Variants in ASIC5 observed in about 807,000 individuals in gnomAD.
The protein encoded by ASIC5 is bile acid-sensitive ion channel.
ASIC5 carries 52 observed loss-of-function variants against 51.2 expected under a neutral mutation model. The ratio of observed to expected loss-of-function variants is 1.02; its 90% CI spans 0.81 to 1.28. ASIC5 has a LOEUF of 1.28. ASIC5 is among the 50% of genes most tolerant of loss of function. ASIC5 has a pLI of 0.00. For missense variants in ASIC5, 635 were observed against 595.0 expected (o/e 1.07, Z -0.70); for synonymous variants, 231 against 200.7 (o/e 1.15, Z -1.28).
chr4:155,863,319 A>T, intron 2 of ASIC5, 129 bp downstream of exon 2: 1 of 702,188 alleles, frequency 1.4e-6, no homozygotes, highest in Non-Finnish European at 2.3e-6. Flanking sequence ...AGTGCAATTT[A>T]AGTGCAATTT....
intron 4 of ASIC5, among the ~76,000 whole-genome samples, chr4:155,845,068 A>G (rs1318921282): frequency 6.6e-6 from 1 of 152,034 alleles, no homozygotes; most frequent in African/African-American, 2.4e-5. Context: ...AAGGCCTCTG[A>G]AGTGGAAAGA....
At chr4:155,839,376 C>T (rs1222351315) in intron 6 of ASIC5, among the ~76,000 whole-genome samples, 3 of 151,578 alleles carry the variant, frequency 2.0e-5, no homozygotes, top group African/African-American at 4.8e-5. Context: ...CACACACACA[C>T]ACACACACGT....
intron 5 of ASIC5, among the ~76,000 whole-genome samples, chr4:155,842,703 AG>A (rs1432901956): frequency 1.3e-5 from 2 of 152,168 alleles, no homozygotes; most frequent in Non-Finnish European, 2.9e-5. Context: ...CATTTTAAAA[AG>A]ATCCTTTAAT....
chr4:155,829,838 T>C lies in ASIC5; in HGVS notation c.*18A>G. On this transcript the variant is annotated 3_prime_UTR_variant, in exon 10 of 10. Transcript: ENST00000537611. Reference sequence around the variant, plus strand: ...TGAAGGTATCATGAAAAGGAAACTATTTTATTCTAAGTGACCATTAACACT... The same window carrying C: ...TGAAGGTATCATGAAAAGGAAACTACTTTATTCTAAGTGACCATTAACACT... 1 of 1,466,606 alleles carries C rather than the reference T, an allele frequency of 6.8e-7. No homozygotes were observed. Among genetic ancestry groups the C allele is most frequent in the African/African-American group, 1.5e-5 (1 of 68,836 alleles). 90.8% of individuals were successfully genotyped at this position (1,466,606 alleles called of 1,614,324 possible). A position where few individuals can be genotyped will look rare whatever the true frequency, so the allele number is the denominator to read the frequency against.
chr4:155,838,309 A>G (rs998630888), intron 7 of ASIC5, among the ~76,000 whole-genome samples: 36 of 134,174 alleles, frequency 2.7e-4, no homozygotes, highest in African/African-American at 8.8e-4. Flanking sequence ...GTGTGAAAGC[A>G]AAAAAAAGAG....
intron 4 of ASIC5, among the ~76,000 whole-genome samples, chr4:155,849,161 A>G (rs900888443): frequency 1.3e-5 from 2 of 152,034 alleles, no homozygotes; most frequent in African/African-American, 4.8e-5. Flanking sequence ...GAAACCAATA[A>G]TGTCCTTGGA....
intron 4 of ASIC5, among the ~76,000 whole-genome samples, chr4:155,851,108 T>C (rs1256894023): frequency 6.6e-6 from 1 of 152,062 alleles, no homozygotes; most frequent in Non-Finnish European, 1.5e-5. Context: ...TATTTACCTA[T>C]GGAACATTGC....
chr4:155,839,987 G>A (rs1030476840), intron 6 of ASIC5, among the ~76,000 whole-genome samples: 3 of 152,142 alleles, frequency 2.0e-5, no homozygotes, highest in African/African-American at 7.2e-5. Flanking sequence ...TTAACGTTTA[G>A]AATCTTCCGT....
chr4:155,857,566 T>G (rs1034563459), intron 2 of ASIC5, among the ~76,000 whole-genome samples: 3 of 152,140 alleles, frequency 2.0e-5, no homozygotes, highest in African/African-American at 7.2e-5. Flanking sequence ...TATATTAATT[T>G]GTTTAAACAA....
At chr4:155,852,368 C>A in intron 3 of ASIC5, 52 bp from the exon 4 acceptor site, 3 of 1,546,518 alleles carry the variant, frequency 1.9e-6, no homozygotes, top group Non-Finnish European at 2.6e-6. Flanking sequence ...ATTTTTGTCA[C>A]TTCTCAAGTT....
chr4:155,866,136 C>A, intron 1 of ASIC5, 51 bp downstream of exon 1: 2 of 1,180,786 alleles, frequency 1.7e-6, no homozygotes. Context: ...TTACTTCTGG[C>A]CTCTAGAAAT....
intron 6 of ASIC5, 62 bp downstream of exon 6, chr4:155,842,141 TTTTG>T: frequency 6.8e-7 from 1 of 1,462,828 alleles, no homozygotes; most frequent in South Asian, 1.2e-5. Flanking sequence ...CTCCCAGACC[TTTTG>T]TAACCCTCTA....
intron 8 of ASIC5, among the ~76,000 whole-genome samples, chr4:155,836,185 A>C (rs937392209): frequency 2.6e-4 from 40 of 152,188 alleles, no homozygotes; most frequent in African/African-American, 9.7e-4. Flanking sequence ...TCTGAGTTGC[A>C]AAGACATGGG....
chr4:155,833,228 T>A (rs1056835539), intron 8 of ASIC5, among the ~76,000 whole-genome samples: 1 of 152,138 alleles, frequency 6.6e-6, no homozygotes, highest in Non-Finnish European at 1.5e-5. Flanking sequence ...AATGAATGGA[T>A]CAATATTACC....
chr4:155,862,988 C>T (rs920435937), intron 2 of ASIC5, among the ~76,000 whole-genome samples: 38 of 152,098 alleles, frequency 2.5e-4, no homozygotes, highest in African/African-American at 8.4e-4. Context: ...CCATATTGCA[C>T]TATGATTGTT....
At chr4:155,841,572 A>G (rs1250324943) in intron 6 of ASIC5, among the ~76,000 whole-genome samples, 2 of 152,126 alleles carry the variant, frequency 1.3e-5, no homozygotes, top group East Asian at 3.9e-4. Flanking sequence ...GGTTCTGGAA[A>G]AGTTGCAAAT....
Position 155,829,993 on chromosome 4 carries a change from T to C in ASIC5, c.1381A>G (p.Ile461Val), listed in dbSNP as rs918230937. 6.3e-7 allele frequency: 1 copy of C among 1,597,354 alleles called. No homozygotes were observed. The highest frequency in any genetic ancestry group is 1.1e-5 in the South Asian group (1 of 88,402). The change falls in exon 10 of 10, where the codon ATA (isoleucine) becomes GTA (valine). Residue 461 changes from isoleucine to valine, a missense_variant. Transcript: ENST00000537611. ...LFCGASLITIIEIIEYLFTNF... is the reference protein window; with the variant it reads ...LFCGASLITIVEIIEYLFTNF... ...GTGAATAGATATTCAATAATTTCTA[T>C]GATCGTGATCAGACTGGCCCCACAA...
Position 155,838,754 on chromosome 4 carries a change from A to T in ASIC5, c.1066+59T>A. On this transcript the variant is annotated intron_variant, in intron 7 of 9. Transcript: ENST00000537611. ...TATCCATAGTTTGACTTAATGTCTTATATTACTTTGAGCAACTTTAATATA... is the reference window on the plus strand; with the variant it reads ...TATCCATAGTTTGACTTAATGTCTTTTATTACTTTGAGCAACTTTAATATA... The T allele has an allele frequency of 3.9e-6, 4 of 1,019,088 alleles. No individual in the cohort carries two copies. In the East Asian group the frequency reaches 1.0e-4, roughly 25 times the overall value. The allele number at this position is 1,019,088 out of a possible 1,614,324, so 63.1% of individuals were successfully genotyped here.
intron 4 of ASIC5, among the ~76,000 whole-genome samples, chr4:155,845,973 T>C (rs1276523164): frequency 6.6e-6 from 1 of 152,052 alleles, no homozygotes; most frequent in Non-Finnish European, 1.5e-5. Flanking sequence ...AAATGTACCT[T>C]TATTGGCATA....
Sources: gnomAD v4.1 joint callset for allele counts (sites outside exome capture counted in the v4.1 genomes callset) on GRCh38, gnomAD v4.1.1 for gene constraint, MANE v1.5 for transcripts, NCBI Gene and HGNC (gene_info 2026-07-23, HGNC 2026-07-21) for gene names.